Variants in LHFPL3 observed in about 807,000 individuals in gnomAD.
LHFPL3 encodes the protein LHFPL tetraspan subfamily member 3, also known as LHFPL tetraspan subfamily member 3 protein.
LHFPL3 carries 5 observed loss-of-function variants against 19.3 expected under a neutral mutation model. The ratio of observed to expected loss-of-function variants is 0.26; its 90% CI spans 0.14 to 0.54. The LOEUF is 0.54. LHFPL3 is among the 20% of genes least tolerant of loss of function. The probability of loss-of-function intolerance (pLI) is 0.94; values close to 1 mark genes in which losing one functional copy is unlikely to be tolerated. For missense variants in LHFPL3, 249 were observed against 307.4 expected (o/e 0.81, Z 1.42); for synonymous variants, 133 against 126.2 (o/e 1.05, Z -0.36).
chr7:104,368,663 G>C (rs1256191972), intron 1 of LHFPL3, among the ~76,000 whole-genome samples: 1 of 151,840 alleles, frequency 6.6e-6, no homozygotes, highest in Non-Finnish European at 1.5e-5. Context: ...GTGTGTGTGT[G>C]TGTGTGTGTG....
intron 1 of LHFPL3, among the ~76,000 whole-genome samples, chr7:104,694,022 G>A (rs1792954695): frequency 1.3e-5 from 2 of 152,158 alleles, no homozygotes; most frequent in Non-Finnish European, 2.9e-5. Flanking sequence ...TGCATAAACT[G>A]GGTTTGCTAA....
intron 1 of LHFPL3, among the ~76,000 whole-genome samples, chr7:104,720,758 AT>A (rs1344898278): frequency 2.6e-5 from 4 of 152,370 alleles, no homozygotes; most frequent in African/African-American, 7.2e-5. Flanking sequence ...AAAAGAAGAC[AT>A]CTATGCAGCC....
chr7:104,764,617 A>C (rs1390498910), intron 2 of LHFPL3, among the ~76,000 whole-genome samples: 1 of 152,182 alleles, frequency 6.6e-6, no homozygotes, highest in African/African-American at 2.4e-5. Flanking sequence ...AATAATCCAT[A>C]TCTACACTTA....
intron 2 of LHFPL3, chr7:104,786,719 TAC>T (rs879661226): frequency 0.17 from 25,983 of 151,058 alleles, 3,142 homozygotes; most frequent in East Asian, 0.68. Flanking sequence ...TGTGTGTGTG[TAC>T]GTGCTATATA....
chr7:104,331,825 C>T (rs1801572376), intron 1 of LHFPL3, among the ~76,000 whole-genome samples: 1 of 152,050 alleles, frequency 6.6e-6, no homozygotes, highest in African/African-American at 2.4e-5. Context: ...TGGTGGGTGC[C>T]TGTAATCCCA....
intron 2 of LHFPL3, among the ~76,000 whole-genome samples, chr7:104,885,812 C>T (rs1792136484): frequency 6.6e-6 from 1 of 152,094 alleles, no homozygotes; most frequent in Admixed American, 6.6e-5. Context: ...TGTCCCATTG[C>T]ATTGAAAATA....
intron 1 of LHFPL3, among the ~76,000 whole-genome samples, chr7:104,540,656 T>C (rs1388015250): frequency 1.3e-5 from 2 of 152,368 alleles, no homozygotes; most frequent in African/African-American, 2.4e-5. Flanking sequence ...ACTTTCTATA[T>C]GTCAGGCATT....
At chr7:104,840,308 C>CTTT (rs67980957) in intron 2 of LHFPL3, among the ~76,000 whole-genome samples, 353 of 118,228 alleles carry the variant, frequency 3.0e-3, no homozygotes, top group African/African-American at 3.5e-3. Flanking sequence ...TGTGGGTTTT[C>CTTT]TTTTTTTTTT....
intron 2 of LHFPL3, among the ~76,000 whole-genome samples, chr7:104,891,924 C>T (rs1562827560): frequency 6.6e-6 from 1 of 152,236 alleles, no homozygotes; most frequent in South Asian, 2.1e-4. Flanking sequence ...TCTCACTAGA[C>T]TCAGTGAATC....
At chr7:104,901,975 G>A (rs1450101844) in intron 2 of LHFPL3, among the ~76,000 whole-genome samples, 1 of 152,084 alleles carries the variant, frequency 6.6e-6, no homozygotes, top group African/African-American at 2.4e-5. Context: ...TTCCAGGCCT[G>A]GCTCACTGGC....
At chr7:104,815,249 G>A (rs762598450) in intron 2 of LHFPL3, among the ~76,000 whole-genome samples, 32 of 152,030 alleles carry the variant, frequency 2.1e-4, no homozygotes, top group African/African-American at 2.9e-4. Flanking sequence ...CCCCCACCCC[G>A]CCTCCCTGCT....
At position 104,639,062 on chromosome 7, in the gene LHFPL3, A is replaced by G. The variant is rs536587965; in HGVS notation, c.446-97613A>G. ...TTACAGGCCCACCATGCCTAGCCAGATTAGCTTTTTGATATGCTGCTGGAT... is the reference window on the plus strand; with the variant it reads ...TTACAGGCCCACCATGCCTAGCCAGGTTAGCTTTTTGATATGCTGCTGGAT... On this transcript the variant is annotated intron_variant, in intron 1 of 2. Coordinates refer to ENST00000424859, the MANE Select transcript of LHFPL3 (RefSeq NM_199000.3). Among the ~76,000 whole-genome samples, 18 of 152,078 alleles carry G rather than the reference A, an allele frequency of 1.2e-4. No individual in the cohort carries two copies. The East Asian group carries it at 2.9e-3, about 24-fold the overall frequency.
At chr7:104,577,575 C>T (rs1475044551) in intron 1 of LHFPL3, among the ~76,000 whole-genome samples, 1 of 152,070 alleles carries the variant, frequency 6.6e-6, no homozygotes, top group Non-Finnish European at 1.5e-5. Flanking sequence ...TGTATTCCTC[C>T]TAAACAGAGT....
chr7:104,717,011 T>C (rs1448191404), intron 1 of LHFPL3, among the ~76,000 whole-genome samples: 1 of 152,094 alleles, frequency 6.6e-6, no homozygotes, highest in Non-Finnish European at 1.5e-5. Context: ...ATCCCAGAAA[T>C]AATTCCATAC....
chr7:104,612,236 CAAT>C (rs1791225620), intron 1 of LHFPL3, among the ~76,000 whole-genome samples: 1 of 152,158 alleles, frequency 6.6e-6, no homozygotes, highest in Non-Finnish European at 1.5e-5. Flanking sequence ...CAAGGACTTT[CAAT>C]GTGTTATTTA....
intron 1 of LHFPL3, among the ~76,000 whole-genome samples, chr7:104,583,418 A>C (rs929921464): frequency 6.6e-6 from 1 of 152,238 alleles, no homozygotes; most frequent in African/African-American, 2.4e-5. Context: ...TTCATGTCTA[A>C]AACATCAAAA....
chr7:104,593,610 T>C (rs1246766844), intron 1 of LHFPL3, among the ~76,000 whole-genome samples: 2 of 152,242 alleles, frequency 1.3e-5, no homozygotes, highest in African/African-American at 4.8e-5. Flanking sequence ...CCTTCTGTCT[T>C]GTTGATCTGT....
chr7:104,509,507 A>C (rs1261721907), intron 1 of LHFPL3, among the ~76,000 whole-genome samples: 1 of 152,152 alleles, frequency 6.6e-6, no homozygotes, highest in African/African-American at 2.4e-5. Flanking sequence ...ATAGCTATAG[A>C]AAAAGCATTT....
intron 1 of LHFPL3, among the ~76,000 whole-genome samples, chr7:104,678,100 G>A (rs753848772): frequency 5.3e-5 from 8 of 152,172 alleles, no homozygotes; most frequent in East Asian, 3.8e-4. Context: ...AAACTTCAGC[G>A]CGAGAATTCA....
Sources: allele counts gnomAD v4.1 joint callset (sites outside exome capture counted in the v4.1 genomes callset), GRCh38; gene constraint gnomAD v4.1.1; transcripts MANE v1.5; gene names NCBI Gene and HGNC (gene_info 2026-07-23, HGNC 2026-07-21).